PGR: variants seen among roughly 807,000 people sequenced by gnomAD.
PGR encodes the protein progesterone receptor, also known as nuclear receptor subfamily 3 group C member 3.
PGR carries 25 observed loss-of-function variants against 76.1 expected under a neutral mutation model. That is an observed-to-expected ratio of 0.33 (90% CI 0.24 to 0.46). The LOEUF (loss-of-function observed/expected upper bound fraction) is 0.46. PGR is among the 20% of genes least tolerant of loss of function. The probability of loss-of-function intolerance (pLI) is 1.00; values close to 1 mark genes in which losing one functional copy is unlikely to be tolerated. For missense variants in PGR, 1,172 were observed against 1,225.3 expected (o/e 0.96, Z 0.65); for synonymous variants, 579 against 535.0 (o/e 1.08, Z -1.14).
rs1055812897 is a variant in PGR, at chr11:101,106,043, G to A, written c.1790-14167C>T. On this transcript the variant is annotated intron_variant, in intron 2 of 7. Coordinates refer to ENST00000325455, the MANE Select transcript of PGR (RefSeq NM_000926.4). ...AGCCATAAGCAGAAAACTGAAACTG[G>A]ACCCCTTCCTAACACCTTATACAAA... 2.6e-4 allele frequency among the ~76,000 whole-genome samples: 39 copies of A among 152,106 alleles called. 2 individuals carry two copies. The highest frequency in any genetic ancestry group is 8.5e-4 in the African/African-American group (35 of 41,394).
At chr11:101,059,842 C>CAAAAAAAAAAAAAAAAAA (rs781123527) in intron 4 of PGR, among the ~76,000 whole-genome samples, 2 of 62,808 alleles carry the variant, frequency 3.2e-5, no homozygotes, top group Admixed American at 1.9e-4. Flanking sequence ...GACCCTCTCT[C>CAAAAAAAAAAAAAAAAAA]AAAAAAAAAA....
intron 2 of PGR, among the ~76,000 whole-genome samples, chr11:101,108,271 G>T (rs1428286911): frequency 2.0e-5 from 3 of 148,306 alleles, no homozygotes; most frequent in Non-Finnish European, 4.5e-5. Context: ...AAAAAAATGA[G>T]CCTAGGCAAG....
intron 2 of PGR, among the ~76,000 whole-genome samples, chr11:101,095,118 C>T (rs1861795959): frequency 6.6e-6 from 1 of 152,094 alleles, no homozygotes; most frequent in South Asian, 2.1e-4. Context: ...AAAGTATTTC[C>T]AAACTGTCTA....
chr11:101,091,875 C>A lies in PGR; in HGVS notation c.1791G>T (p.Gly597=), dbSNP rs775930514. 6.4e-7 allele frequency: 1 copy of A among 1,553,740 alleles called. No individual in the cohort carries two copies. Among genetic ancestry groups the A allele is most frequent in the South Asian group, 1.1e-5 (1 of 89,700 alleles). ...TTCCAGCACATAAGTAGTTGTGCTG[C>A]CCTAAAAAAACAAAATGAGTCAAAA... ...CKVFFKRAME[G]QHNYLCAGRN... Residue 597 remains glycine, a splice_region_variant and synonymous_variant, in exon 3 of 8, where the codon GGG becomes GGT. Coordinates refer to ENST00000325455, the MANE Select transcript of PGR (RefSeq NM_000926.4).
At chr11:101,068,605 T>A (rs1297920774) in intron 3 of PGR, among the ~76,000 whole-genome samples, 1 of 152,184 alleles carries the variant, frequency 6.6e-6, no homozygotes, top group African/African-American at 2.4e-5. Flanking sequence ...TCATGCTACC[T>A]GACTTCAAAC....
At chr11:101,114,679 C>T (rs560421190) in intron 2 of PGR, among the ~76,000 whole-genome samples, 3 of 151,946 alleles carry the variant, frequency 2.0e-5, no homozygotes, top group Non-Finnish European at 4.4e-5. Context: ...CTGAAGGTGA[C>T]GTCCCCCACC....
chr11:101,105,371 C>A (rs146250990), intron 2 of PGR, among the ~76,000 whole-genome samples: 1 of 151,942 alleles, frequency 6.6e-6, no homozygotes, highest in African/African-American at 2.4e-5. Flanking sequence ...GCAATACATC[C>A]GAAGGGGAAT....
In PGR at chr11:101,037,574, A is replaced by G; in HGVS notation, c.*1542T>C. The G allele has an allele frequency of 4.4e-6, 1 of 228,300 alleles. No individual in the cohort carries two copies. The highest frequency in any genetic ancestry group is 5.7e-5 in the Admixed American group (1 of 17,606). 14.1% of individuals were successfully genotyped at this position (228,300 alleles called of 1,614,324 possible). On this transcript the variant is annotated 3_prime_UTR_variant, in exon 8 of 8. Transcript: ENST00000325455. Reference sequence around the variant, plus strand: ...AATAATATTCCATTCATTCAGTTTAAAAACTTAGAACAAGGAATCTAAAGT... The same window carrying G: ...AATAATATTCCATTCATTCAGTTTAGAAACTTAGAACAAGGAATCTAAAGT...
intron 4 of PGR, 41 bp from the exon 5 acceptor site, chr11:101,051,609 C>T (rs764327063): frequency 1.4e-6 from 2 of 1,424,612 alleles, no homozygotes; most frequent in African/African-American, 2.8e-5. Flanking sequence ...ATAAAAATGA[C>T]TGAATTATCT....
chr11:101,127,812 C>T lies in PGR; in HGVS notation c.1259G>A (p.Gly420Glu). 6.4e-7 allele frequency: 1 copy of T among 1,571,882 alleles called. No individual in the cohort carries two copies. Among genetic ancestry groups the T allele is most frequent in the Non-Finnish European group, 8.6e-7 (1 of 1,166,708 alleles). The change falls in exon 1 of 8, where the codon GGG becomes GAG. Residue 420 changes from glycine to glutamate, a missense_variant. By Grantham distance (98) the Gly-to-Glu change is moderately conservative. Around this residue, in one of 4 missense-constraint regions of PGR, gnomAD observed 893 missense variants for 785.9 expected, o/e 1.14. Coordinates refer to ENST00000325455, the MANE Select transcript of PGR (RefSeq NM_000926.4). ...TCGCGGCGGCAGCGGGGGCGGTGGC[C>T]CCAACGGGAAATCCGGGAAGGCTGC... ...NPAAFPDFPL[G>E]PPPPLPPRAT...
intron 3 of PGR, among the ~76,000 whole-genome samples, chr11:101,087,223 C>T (rs773123608): frequency 2.3e-4 from 35 of 152,196 alleles, no homozygotes; most frequent in South Asian, 4.1e-4. Flanking sequence ...GATACTGGCA[C>T]GAGAGCAGAC....
chr11:101,057,768 CT>C (rs1860344850), intron 4 of PGR, among the ~76,000 whole-genome samples: 1 of 152,034 alleles, frequency 6.6e-6, no homozygotes, highest in Non-Finnish European at 1.5e-5. Context: ...ACCAAAAATT[CT>C]TGCTGAGGTG....
At chr11:101,126,243 G>T in intron 1 of PGR, 85 bp from the exon 2 acceptor site, 1 of 1,285,652 alleles carries the variant, frequency 7.8e-7, no homozygotes, top group Non-Finnish European at 1.1e-6. Context: ...GTATTAACAG[G>T]GTGAAAGGAG....
intron 5 of PGR, among the ~76,000 whole-genome samples, chr11:101,050,286 T>G (rs1860041565): frequency 6.6e-6 from 1 of 152,166 alleles, no homozygotes; most frequent in South Asian, 2.1e-4. Flanking sequence ...ACTAGAAAAT[T>G]ATATTAAATA....
At chr11:101,092,339 A>G (rs1268160506) in intron 2 of PGR, among the ~76,000 whole-genome samples, 1 of 152,212 alleles carries the variant, frequency 6.6e-6, no homozygotes, top group Non-Finnish European at 1.5e-5. Context: ...AAAAAAATCT[A>G]AATGCTTAGT....
chr11:101,093,937 A>G (rs536538165), intron 2 of PGR, among the ~76,000 whole-genome samples: 49 of 152,302 alleles, frequency 3.2e-4, no homozygotes, highest in African/African-American at 1.1e-3. Flanking sequence ...AAAATGGCCT[A>G]CGATATCATC....
rs190524732 is a variant in PGR at position 101,038,646 on chromosome 11, C to G, written c.*470G>C. On this transcript the variant is annotated 3_prime_UTR_variant, in exon 8 of 8. Transcript: ENST00000325455. ...TGAGGAAAGTTATGAATTTCCTCCT[C>G]ACACAAATATATATAGACAAAATTT... 1 of 229,954 alleles carries G rather than the reference C, an allele frequency of 4.3e-6. No individual in the cohort carries two copies. The highest frequency in any genetic ancestry group is 6.2e-5 in the East Asian group (1 of 16,076). 14.2% of individuals were successfully genotyped at this position (229,954 alleles called of 1,614,324 possible). A position where few individuals can be genotyped will look rare whatever the true frequency, so the allele number is the denominator to read the frequency against.
chr11:101,070,790 G>C (rs1259616178), intron 3 of PGR, among the ~76,000 whole-genome samples: 1 of 152,182 alleles, frequency 6.6e-6, no homozygotes, highest in African/African-American at 2.4e-5. Context: ...TCTCTGGGCA[G>C]GGCATCTCTG....
At chr11:101,053,482 AC>A (rs1385799749) in intron 4 of PGR, among the ~76,000 whole-genome samples, 1 of 148,362 alleles carries the variant, frequency 6.7e-6, no homozygotes, top group African/African-American at 2.6e-5. Flanking sequence ...TCAATGTCTA[AC>A]CTTTTCTCCT....
Sources: gnomAD v4.1 joint callset for allele counts (sites outside exome capture counted in the v4.1 genomes callset) on GRCh38, gnomAD v4.1.1 for gene constraint, gnomAD v4.1.1 regional missense constraint, MANE v1.5 for transcripts, NCBI Gene and HGNC (gene_info 2026-07-23, HGNC 2026-07-21) for gene names.